COL4A2: variants seen among roughly 807,000 people sequenced by gnomAD.
COL4A2 encodes the protein collagen type IV alpha 2 chain, also known as collagen alpha-2(IV) chain.
COL4A2 carries 99 observed loss-of-function variants against 200.2 expected under a neutral mutation model. The ratio of observed to expected loss-of-function variants is 0.49; its 90% CI spans 0.42 to 0.58. The LOEUF (loss-of-function observed/expected upper bound fraction) is 0.58. Ranked by LOEUF, COL4A2 falls within the 20% of genes least tolerant of loss-of-function variation. COL4A2 has a pLI of 0.00. For missense variants in COL4A2, 1,950 were observed against 2,314.1 expected, an observed-to-expected ratio of 0.84 and a Z score of 3.23; for synonymous variants, 897 against 900.6, an observed-to-expected ratio of 1.00 and a Z score of 0.07.
rs1284868642 is a variant in COL4A2 at position 110,435,974 on chromosome 13, A to G, written c.727-295A>G. Among the ~76,000 whole-genome samples, 3 of 152,154 alleles carry G rather than the reference A, an allele frequency of 2.0e-5. No individual in the cohort carries two copies. In the East Asian group the frequency reaches 5.8e-4, roughly 29 times the overall value. The stretch of plus-strand genomic sequence containing the variant: ...AGCCCTCATACCTAATAATTCCCAT[A>G]TATAGAAATTCATTGTAAGGAAACA... On this transcript the variant is annotated intron_variant, in intron 12 of 47. Coordinates refer to ENST00000360467, the MANE Select transcript of COL4A2 (RefSeq NM_001846.4).
At chr13:110,437,059 A>G (rs1880916643) in intron 13 of COL4A2, among the ~76,000 whole-genome samples, 1 of 152,230 alleles carries the variant, frequency 6.6e-6, no homozygotes, top group Non-Finnish European at 1.5e-5. Context: ...GGGAACTAAA[A>G]TAGAAACCCC....
At chr13:110,387,049 C>T (rs1878781183) in intron 4 of COL4A2, among the ~76,000 whole-genome samples, 1 of 152,080 alleles carries the variant, frequency 6.6e-6, no homozygotes, top group African/African-American at 2.4e-5. Flanking sequence ...ACCAGCCTGG[C>T]CAACATGGTG....
chr13:110,359,720 C>G (rs1290259467), intron 4 of COL4A2, among the ~76,000 whole-genome samples: 1 of 152,198 alleles, frequency 6.6e-6, no homozygotes, highest in African/African-American at 2.4e-5. Flanking sequence ...GTCCCCTCCA[C>G]AAAATCAAAT....
rs865867005 is a variant in COL4A2 at position 110,323,439 on chromosome 13, T to C, written c.99+15316T>C. On this transcript the variant is annotated intron_variant, in intron 3 of 47. Coordinates refer to ENST00000360467, the MANE Select transcript of COL4A2 (RefSeq NM_001846.4). ...GGACAGCCGTCTTGCTGTTTGCTTTTATATTTTTTGAGTTAGTCATGCTAA... is the reference window on the plus strand; with the variant it reads ...GGACAGCCGTCTTGCTGTTTGCTTTCATATTTTTTGAGTTAGTCATGCTAA... Among the ~76,000 whole-genome samples the C allele has an allele frequency of 1.4e-4, 21 of 152,246 alleles. No individual in the cohort carries two copies. In the South Asian group the frequency reaches 3.7e-3, roughly 27 times the overall value.
rs60240448 is a variant in COL4A2, at chr13:110,409,001, T to C, written c.181-15733T>C. Reference sequence around the variant, plus strand: ...ACACACACATGCACACACGCACACATACACACACACATACACATGGACACG... The same window carrying C: ...ACACACACATGCACACACGCACACACACACACACACATACACATGGACACG... On this transcript the variant is annotated intron_variant, in intron 4 of 47. Transcript: ENST00000360467. Among the ~76,000 whole-genome samples the C allele has an allele frequency of 7.0e-4, 22 of 31,534 alleles. 5 individuals are homozygous for C. Among genetic ancestry groups the C allele is most frequent in the African/African-American group, 9.2e-4 (8 of 8,718 alleles). The allele number at this position is 31,534 out of a possible 152,430, so 20.7% of individuals were successfully genotyped here.
At chr13:110,493,108 C>A in intron 38 of COL4A2, 103 bp from the exon 39 acceptor site, 1 of 1,256,238 alleles carries the variant, frequency 8.0e-7, no homozygotes. Context: ...GTGACACCCC[C>A]ATGGGTGAAA....
At chr13:110,418,546 A>C (rs2139447606) in intron 4 of COL4A2, among the ~76,000 whole-genome samples, 1 of 152,358 alleles carries the variant, frequency 6.6e-6, no homozygotes, top group East Asian at 1.9e-4. Flanking sequence ...ATAAAGGTGA[A>C]GGTGTGTTTC....
intron 31 of COL4A2, 86 bp downstream of exon 31, chr13:110,480,476 T>C: frequency 7.2e-7 from 1 of 1,384,414 alleles, no homozygotes; most frequent in Non-Finnish European, 9.6e-7. Flanking sequence ...GCTGGGCGCC[T>C]CTGTGGGCCG....
chr13:110,363,985 G>A (rs1877635008), intron 4 of COL4A2, among the ~76,000 whole-genome samples: 1 of 152,208 alleles, frequency 6.6e-6, no homozygotes, highest in Non-Finnish European at 1.5e-5. Context: ...ATAGGCGTGA[G>A]CCACTGCACC....
At chr13:110,476,058 A>G (rs867944668) in intron 29 of COL4A2, among the ~76,000 whole-genome samples, 2 of 152,210 alleles carry the variant, frequency 1.3e-5, no homozygotes, top group African/African-American at 4.8e-5. Flanking sequence ...AAGCACGCCC[A>G]GACTGTCTCC....
intron 33 of COL4A2, 122 bp downstream of exon 33, chr13:110,485,149 C>A: frequency 1.2e-6 from 1 of 821,382 alleles, no homozygotes; most frequent in South Asian, 2.3e-5. Context: ...TCGTGCTTTT[C>A]ATCTCTGGGC....
At position 110,488,093 on chromosome 13, in the gene COL4A2, C is replaced by T. The variant is rs142915312; in HGVS notation, c.3208-1352C>T. 5.5e-3 allele frequency among the ~76,000 whole-genome samples: 832 copies of T among 152,312 alleles called. 6 individuals carry two copies. Among genetic ancestry groups the T allele is most frequent in the African/African-American group, 0.018 (757 of 41,564 alleles). The stretch of plus-strand genomic sequence containing the variant: ...CCAGGCTGGAGTGCAATGGCATGAT[C>T]TTAGCTCACTGCAACCACTGCCTCC... On this transcript the variant is annotated intron_variant, in intron 34 of 47. Transcript: ENST00000360467.
At chr13:110,447,914 A>C (rs974298290) in intron 18 of COL4A2, among the ~76,000 whole-genome samples, 1 of 152,218 alleles carries the variant, frequency 6.6e-6, no homozygotes, top group Non-Finnish European at 1.5e-5. Context: ...GCCCTCTGTC[A>C]GTTTAATAAT....
intron 4 of COL4A2, among the ~76,000 whole-genome samples, chr13:110,405,176 G>A (rs893129449): frequency 2.0e-5 from 3 of 152,068 alleles, no homozygotes; most frequent in Non-Finnish European, 4.4e-5. Flanking sequence ...GAAGAGGGTG[G>A]TACCTGGAGG....
rs150329375 is a variant in COL4A2 at position 110,357,875 on chromosome 13, G to A, written c.180+323G>A. Among the ~76,000 whole-genome samples the A allele has an allele frequency of 3.7e-3, 567 of 152,250 alleles. 3 individuals are homozygous for A. The highest frequency in any genetic ancestry group is 0.013 in the African/African-American group (528 of 41,526). On this transcript the variant is annotated intron_variant, in intron 4 of 47. Coordinates refer to ENST00000360467, the MANE Select transcript of COL4A2 (RefSeq NM_001846.4). ...CCTGTGTAGGGCATTTACCATGAAC[G>A]GAGCTTGCGGGACTTGGAAGTTGCT...
intron 3 of COL4A2, among the ~76,000 whole-genome samples, chr13:110,326,282 T>C (rs1885409570): frequency 6.6e-6 from 1 of 152,148 alleles, no homozygotes; most frequent in South Asian, 2.1e-4. Flanking sequence ...AAGTTGCTGG[T>C]AGAATTAAAT....
At chr13:110,319,474 A>G (rs1314762534) in intron 3 of COL4A2, among the ~76,000 whole-genome samples, 1 of 152,186 alleles carries the variant, frequency 6.6e-6, no homozygotes, top group Non-Finnish European at 1.5e-5. Context: ...ACAGAATCTT[A>G]GGAGAGAGTT....
rs897231283 is a variant in COL4A2, at chr13:110,505,122, G to A, written c.4402+858G>A. Among the ~76,000 whole-genome samples, 59 of 151,664 alleles carry A rather than the reference G, an allele frequency of 3.9e-4. No individual in the cohort carries two copies. In the Middle Eastern group the frequency reaches 0.01, roughly 26 times the overall value. On this transcript the variant is annotated intron_variant, in intron 45 of 47. Transcript: ENST00000360467. Reference sequence around the variant, plus strand: ...TCCCAGCACTTTGGGAGGCTGAGGTGGGCGGATCACAAGGGCAGGAGATCG... The same window carrying A: ...TCCCAGCACTTTGGGAGGCTGAGGTAGGCGGATCACAAGGGCAGGAGATCG...
chr13:110,503,940 GC>G lies in COL4A2; in HGVS notation c.4238del (p.Pro1413LeufsTer46), dbSNP rs1189780729. 6.4e-7 allele frequency: 1 copy of G among 1,573,288 alleles called. No homozygotes were observed. The highest frequency in any genetic ancestry group is 1.8e-5 in the Admixed American group (1 of 55,574). ...ACAGTGGGTCCCCAGGGGAGGCGAG[GC>G]CCCCCTGGGGCACCGGGGGAGATGG... Reference protein sequence around the residue: ...PGTVGPQGRRGPPGAPGEMGP... With the variant: ...PGTVGPQGRRXPPGAPGEMGP... On this transcript the variant is annotated frameshift_variant, in exon 44 of 48. Coordinates refer to ENST00000360467, the MANE Select transcript of COL4A2 (RefSeq NM_001846.4). LOFTEE classifies it high-confidence loss of function.
Sources: gnomAD v4.1 joint callset for allele counts (sites outside exome capture counted in the v4.1 genomes callset) on GRCh38, gnomAD v4.1.1 for gene constraint, MANE v1.5 for transcripts, NCBI Gene and HGNC (gene_info 2026-07-23, HGNC 2026-07-21) for gene names.